The following MANBA variants were observed in gnomAD, a reference collection of about 807,000 sequenced individuals.
The protein encoded by MANBA is beta-mannosidase.
MANBA carries 83 observed loss-of-function variants against 111.1 expected under a neutral mutation model. The ratio of observed to expected loss-of-function variants is 0.75; its 90% CI spans 0.63 to 0.90. MANBA has a LOEUF of 0.90. Among genes scored for constraint, MANBA ranks in the 40% least tolerant of loss-of-function variants. The pLI, the probability that MANBA is intolerant of heterozygous loss-of-function variation, is 0.00. For missense variants in MANBA, 1,036 were observed against 1,069.0 expected, an observed-to-expected ratio of 0.97 and a Z score of 0.43; for synonymous variants, 370 against 378.7, an observed-to-expected ratio of 0.98 and a Z score of 0.27.
intron 10 of MANBA, chr4:102,667,736 T>C (rs1224650067): frequency 6.6e-6 from 1 of 152,198 alleles, no homozygotes; most frequent in Non-Finnish European, 1.5e-5. Context: ...GTTCTTTGTA[T>C]ATCAACATTA....
intron 5 of MANBA, among the ~76,000 whole-genome samples, chr4:102,692,745 A>G: frequency 6.6e-6 from 1 of 152,006 alleles, no homozygotes; most frequent in African/African-American, 2.4e-5. Flanking sequence ...GTTCCTATTT[A>G]GTGGCTTCTA....
intron 8 of MANBA, among the ~76,000 whole-genome samples, chr4:102,673,021 T>A (rs1225931081): frequency 1.3e-5 from 2 of 152,142 alleles, no homozygotes; most frequent in Non-Finnish European, 2.9e-5. Flanking sequence ...ACAATTTTTT[T>A]AACCTATATT....
intron 1 of MANBA, chr4:102,734,611 G>A (rs544531778): frequency 9.4e-6 from 15 of 1,600,324 alleles, no homozygotes; most frequent in Admixed American, 3.4e-5. Context: ...AAGAAGAAGC[G>A]GTAGAAGAGG....
intron 12 of MANBA, among the ~76,000 whole-genome samples, chr4:102,653,910 C>T (rs179195): frequency 0.48 from 73,417 of 151,808 alleles, 17,929 homozygotes; most frequent in South Asian, 0.54. Context: ...TACTTATTGT[C>T]GAGAATGGGA....
intron 1 of MANBA, among the ~76,000 whole-genome samples, chr4:102,759,139 T>TTC (rs1233813072): frequency 1.3e-4 from 19 of 147,802 alleles, no homozygotes; most frequent in East Asian, 9.7e-4. Context: ...CTTTCTTTCT[T>TTC]TTTTTTTTTT....
intron 1 of MANBA, chr4:102,727,446 G>A: frequency 1.5e-6 from 2 of 1,360,292 alleles, no homozygotes; most frequent in South Asian, 1.2e-5. Flanking sequence ...ATTGCACATG[G>A]GTCTCAGAGC....
intron 1 of MANBA, among the ~76,000 whole-genome samples, chr4:102,744,631 A>G (rs1578956416): frequency 1.3e-5 from 2 of 152,230 alleles, no homozygotes; most frequent in East Asian, 3.8e-4. Context: ...TCAAGCAATG[A>G]AACCACATGT....
chr4:102,714,512 C>G lies in MANBA; in HGVS notation c.599G>C (p.Gly200Ala), dbSNP rs2110273623. 3.1e-6 allele frequency: 5 copies of G among 1,606,208 alleles called. No homozygotes were observed. The highest frequency in any genetic ancestry group is 4.3e-6 in the Non-Finnish European group (5 of 1,172,868). ...WDWGPSFPTQ[G>A]IWKDVRIEAY... Reference sequence around the variant, plus strand: ...TTCAATTCTAACATCTTTCCAGATTCCCTGGGTAGGAAAGGAAGGCCCCCA... The same window carrying G: ...TTCAATTCTAACATCTTTCCAGATTGCCTGGGTAGGAAAGGAAGGCCCCCA... Residue 200 changes from glycine to alanine, a missense_variant, in exon 5 of 17, where the codon GGA (glycine) becomes GCA (alanine). Physicochemically the swap from Gly to Ala is moderately conservative, Grantham distance 60 (BLOSUM62 0). Transcript: ENST00000647097.
intron 5 of MANBA, among the ~76,000 whole-genome samples, chr4:102,701,199 T>C (rs1189054604): frequency 1.3e-5 from 2 of 151,796 alleles, no homozygotes; most frequent in African/African-American, 2.4e-5. Flanking sequence ...TTTTTTTGTT[T>C]TCCATTTGCT....
Position 102,754,567 on chromosome 4 carries a change from T to A in MANBA, c.177+6151A>T, listed in dbSNP as rs554744421. On this transcript the variant is annotated intron_variant, in intron 1 of 16. Coordinates refer to ENST00000647097, the MANE Select transcript of MANBA (RefSeq NM_005908.4). ...TTTATTTTATTTTATTTATTTATTTTTTTTTTTGAGATGTAGTCTTGCTCT... is the reference window on the plus strand; with the variant it reads ...TTTATTTTATTTTATTTATTTATTTATTTTTTTGAGATGTAGTCTTGCTCT... Among the ~76,000 whole-genome samples the A allele has an allele frequency of 2.8e-3, 425 of 152,108 alleles. No homozygotes were observed. In the Middle Eastern group the frequency reaches 0.048, roughly 17 times the overall value.
chr4:102,635,021 G>A lies in MANBA; in HGVS notation c.2182C>T (p.Leu728=). Residue 728 remains leucine, a synonymous_variant, in exon 16 of 17, where the codon CTG becomes TTG. Coordinates refer to ENST00000647097, the MANE Select transcript of MANBA (RefSeq NM_005908.4). ...GTCACACGAGAGCACACGGGCTCCA[G>A]GGAGCTCCATGTATGGACTCTCACC... ...LSVRVHTWSS[L]EPVCSRVTER... 1.2e-6 allele frequency: 2 copies of A among 1,614,142 alleles called. No homozygotes were observed. The highest frequency in any genetic ancestry group is 2.2e-5 in the South Asian group (2 of 91,072).
intron 1 of MANBA, among the ~76,000 whole-genome samples, chr4:102,743,655 A>G (rs887153269): frequency 5.3e-5 from 8 of 152,140 alleles, no homozygotes; most frequent in African/African-American, 1.9e-4. Flanking sequence ...CTCGAGCCCA[A>G]TCATGTATAT....
intron 13 of MANBA, among the ~76,000 whole-genome samples, chr4:102,647,762 T>C (rs1299260720): frequency 2.6e-5 from 4 of 152,100 alleles, no homozygotes; most frequent in African/African-American, 4.8e-5. Flanking sequence ...AAGATTATGA[T>C]TGAAACATTA....
At chr4:102,722,393 G>C (rs748867350) in intron 4 of MANBA, 8 of 183,610 alleles carry the variant, frequency 4.4e-5, no homozygotes, top group Non-Finnish European at 9.3e-5. Context: ...TCTTAGACTG[G>C]AATCATACTC....
intron 11 of MANBA, among the ~76,000 whole-genome samples, chr4:102,661,234 A>G (rs150393566): frequency 3.9e-5 from 6 of 152,298 alleles, no homozygotes; most frequent in Admixed American, 2.0e-4. Context: ...GTAACCTTTT[A>G]CTCGAAAGCC....
intron 7 of MANBA, among the ~76,000 whole-genome samples, chr4:102,675,451 C>T (rs1268387718): frequency 6.6e-6 from 1 of 152,184 alleles, no homozygotes; most frequent in African/African-American, 2.4e-5. Context: ...AGTACTTTTA[C>T]TGTGCTCTTA....
chr4:102,682,754 T>A (rs1732042907), intron 7 of MANBA: 1 of 152,146 alleles, frequency 6.6e-6, no homozygotes, highest in South Asian at 2.1e-4. Flanking sequence ...ATCAGAGTGA[T>A]GCATCTACAA....
rs72936912 is a variant in MANBA, at chr4:102,638,316, C to G, written c.2014+1397G>C. On this transcript the variant is annotated intron_variant, in intron 14 of 16. Coordinates refer to ENST00000647097, the MANE Select transcript of MANBA (RefSeq NM_005908.4). ...TGGTATGCAGCTATAGACCCAGGTA[C>G]TCAGGAAGTTGAGGTGGGAGGAAGG... 3.5e-3 allele frequency among the ~76,000 whole-genome samples: 531 copies of G among 152,080 alleles called. 3 individuals are homozygous for G. Among genetic ancestry groups the G allele is most frequent in the African/African-American group, 0.012 (508 of 41,468 alleles).
intron 1 of MANBA, chr4:102,729,019 G>C: frequency 1.0e-6 from 1 of 968,866 alleles, no homozygotes; most frequent in South Asian, 1.3e-5. Context: ...CTATCTCGAT[G>C]TCCAGGGCCA....
Sources: gnomAD v4.1 joint callset for allele counts (sites outside exome capture counted in the v4.1 genomes callset) on GRCh38, gnomAD v4.1.1 for gene constraint, MANE v1.5 for transcripts, NCBI Gene and HGNC (gene_info 2026-07-23, HGNC 2026-07-21) for gene names.